Variants in INTS14 observed in about 807,000 individuals in gnomAD.
The protein encoded by INTS14 is UPF0464 protein C15orf44.
In INTS14, 27 loss-of-function variants were observed where a neutral mutation model predicts 56.9. That is an observed-to-expected ratio of 0.47 (90% CI 0.35 to 0.65). The LOEUF is 0.65. INTS14 is among the 30% of genes least tolerant of loss of function. INTS14 has a pLI of 0.00. For synonymous variants in INTS14, 207 were observed against 236.2 expected (o/e 0.88, Z 1.13); for missense variants, 517 against 632.2 (o/e 0.82, Z 1.95).
chr15:65,610,407 C>A (rs910441956), intron 1 of INTS14, among the ~76,000 whole-genome samples: 2 of 152,162 alleles, frequency 1.3e-5, no homozygotes, highest in Non-Finnish European at 2.9e-5. Context: ...TTTGTGAGCA[C>A]AACACTATGT....
At position 65,607,678 on chromosome 15, in the gene INTS14, GA is replaced by G. The variant is rs986839336; in HGVS notation, c.-62-237del. 1.4e-3 allele frequency among the ~76,000 whole-genome samples: 198 copies of G among 146,344 alleles called. 1 individual carries two copies. The highest frequency in any genetic ancestry group is 4.6e-3 in the African/African-American group (185 of 39,902). On this transcript the variant is annotated intron_variant, in intron 1 of 11. Coordinates refer to ENST00000313182, the MANE Select transcript of INTS14 (RefSeq NM_001394796.1). ...AAGGACCATCTAAATATATCTACTGGAAAAAAAAAAGCCCTGCTAAATTCAG... is the reference window on the plus strand; with the variant it reads ...AAGGACCATCTAAATATATCTACTGGAAAAAAAAAGCCCTGCTAAATTCAG...
Position 65,607,434 on chromosome 15 carries a change from G to T in INTS14, c.-54C>A. 1.3e-6 allele frequency: 2 copies of T among 1,597,210 alleles called. No individual in the cohort carries two copies. The highest frequency in any genetic ancestry group is 1.7e-6 in the Non-Finnish European group (2 of 1,168,320). On this transcript the variant is annotated 5_prime_UTR_variant, in exon 2 of 12. An upstream open reading frame in the 5' UTR gains an earlier in-frame stop. Coordinates refer to ENST00000313182, the MANE Select transcript of INTS14 (RefSeq NM_001394796.1). ...AGAATGCAAACAGACAGCTATAAACGAAGAAATGCTGCAGAAAATAAATAC... is the reference window on the plus strand; with the variant it reads ...AGAATGCAAACAGACAGCTATAAACTAAGAAATGCTGCAGAAAATAAATAC...
chr15:65,591,385 G>A (rs1462112024), intron 9 of INTS14, among the ~76,000 whole-genome samples: 1 of 152,102 alleles, frequency 6.6e-6, no homozygotes, highest in East Asian at 1.9e-4. Context: ...TTTACTTAAA[G>A]CAATCTAAAT....
At chr15:65,593,286 T>C (rs1005176111) in intron 8 of INTS14, 142 bp downstream of exon 8, 11 of 996,114 alleles carry the variant, frequency 1.1e-5, no homozygotes, top group African/African-American at 1.7e-5. Context: ...AGGACTGTAG[T>C]AGCAGGTGGG....
intron 6 of INTS14, among the ~76,000 whole-genome samples, chr15:65,596,993 T>A (rs1029169557): frequency 6.6e-6 from 1 of 152,244 alleles, no homozygotes; most frequent in Non-Finnish European, 1.5e-5. Context: ...GTCTACTTTA[T>A]TTTAAAGCAG....
In INTS14 at chr15:65,584,904, A is replaced by G; in HGVS notation, c.1121-16T>C. The G allele has an allele frequency of 6.3e-6, 10 of 1,597,010 alleles. No homozygotes were observed. The highest frequency in any genetic ancestry group is 6.0e-6 in the Non-Finnish European group (7 of 1,169,788). ...TCTTTAGCATCTTAAAAGAAAAGACATTCTTGAAATGACATCTGGTAAAAC... is the reference window on the plus strand; with the variant it reads ...TCTTTAGCATCTTAAAAGAAAAGACGTTCTTGAAATGACATCTGGTAAAAC... On this transcript the variant is annotated splice_polypyrimidine_tract_variant and intron_variant, in intron 9 of 11. Coordinates refer to ENST00000313182, the MANE Select transcript of INTS14 (RefSeq NM_001394796.1).
chr15:65,602,948 G>A (rs1198901382), intron 3 of INTS14, among the ~76,000 whole-genome samples: 1 of 152,164 alleles, frequency 6.6e-6, no homozygotes, highest in Non-Finnish European at 1.5e-5. Context: ...TCAGAAGTCT[G>A]CATGATGCAC....
chr15:65,597,683 T>C (rs1472947994), intron 6 of INTS14, among the ~76,000 whole-genome samples: 2 of 152,170 alleles, frequency 1.3e-5, no homozygotes, highest in Non-Finnish European at 2.9e-5. Context: ...GAGGAAGACT[T>C]CCCAGGGTCA....
chr15:65,597,884 C>A (rs1952114272), intron 6 of INTS14, among the ~76,000 whole-genome samples: 1 of 152,076 alleles, frequency 6.6e-6, no homozygotes, highest in Admixed American at 6.5e-5. Flanking sequence ...AACTGATGAC[C>A]TTACCATAAA....
chr15:65,608,364 C>CAAAAAA (rs35399300), intron 1 of INTS14, among the ~76,000 whole-genome samples: 13 of 63,984 alleles, frequency 2.0e-4, no homozygotes, highest in African/African-American at 2.4e-4. Flanking sequence ...GGCTCCATCT[C>CAAAAAA]AAAAAAAAAA....
At chr15:65,582,894 T>C (rs904031632) in intron 10 of INTS14, among the ~76,000 whole-genome samples, 3 of 152,058 alleles carry the variant, frequency 2.0e-5, no homozygotes, top group African/African-American at 4.8e-5. Flanking sequence ...CTTGAGTATA[T>C]ACTTCTCCAA....
intron 6 of INTS14, 152 bp downstream of exon 6, chr15:65,598,169 T>TACCCAAAA (rs1566927510): frequency 1.4e-6 from 1 of 719,794 alleles, no homozygotes; most frequent in African/African-American, 1.8e-5. Context: ...AGCACCTCTG[T>TACCCAAAA]TCCCAAGCAT....
Position 65,579,666 on chromosome 15 carries a change from CAA to C in INTS14, c.1306-9_1306-8del, listed in dbSNP as rs780189503. 267 of 1,608,452 alleles carry C rather than the reference CAA, an allele frequency of 1.7e-4. No individual in the cohort carries two copies. The highest frequency in any genetic ancestry group is 3.4e-4 in the East Asian group (15 of 44,712). On this transcript the variant is annotated splice_polypyrimidine_tract_variant and splice_region_variant and intron_variant, in intron 11 of 11. Coordinates refer to ENST00000313182, the MANE Select transcript of INTS14 (RefSeq NM_001394796.1). ...TTCGCAAACGGTTCAGCTCCTGAAA[CAA>C]GACAGAAAATCACCAATGCTCCTGA...
rs1230172104 is a variant in INTS14, at chr15:65,581,994, T to C, written c.1265A>G (p.Asn422Ser). Residue 422 changes from asparagine to serine, a missense_variant, in exon 11 of 12, where the codon AAT (asparagine) becomes AGT (serine). Asn to Ser is a conservative substitution (Grantham distance 46, BLOSUM62 1). Transcript: ENST00000313182. ...LQTDVQKILR[N>S]ARKLPEKTQT... ...TGTTTTTTCAGGTAGTTTCCTTGCA[T>C]TTCTTAAAATCTTCTGTACATCTGT... 1.2e-6 allele frequency: 2 copies of C among 1,612,534 alleles called. No individual in the cohort carries two copies. Among genetic ancestry groups the C allele is most frequent in the Admixed American group, 3.3e-5 (2 of 59,718 alleles).
intron 9 of INTS14, among the ~76,000 whole-genome samples, chr15:65,591,010 A>G (rs2073006675): frequency 1.3e-5 from 2 of 152,214 alleles, no homozygotes; most frequent in Admixed American, 6.5e-5. Context: ...AACTGGAAAT[A>G]TGATATGCAA....
chr15:65,593,289 C>G (rs1293310079), intron 8 of INTS14, 139 bp downstream of exon 8: 1 of 1,017,014 alleles, frequency 9.8e-7, no homozygotes, highest in Non-Finnish European at 1.4e-6. Context: ...ACTGTAGTAG[C>G]AGGTGGGAAA....
chr15:65,593,697 A>G (rs1485123064), intron 7 of INTS14, 125 bp from the exon 8 acceptor site: 1 of 1,152,608 alleles, frequency 8.7e-7, no homozygotes, highest in Admixed American at 3.6e-5. Flanking sequence ...ATATTATAAC[A>G]AGCAGGAAAA....
chr15:65,586,803 A>C (rs1337527612), intron 9 of INTS14: 2 of 152,196 alleles, frequency 1.3e-5, no homozygotes, highest in Admixed American at 1.3e-4. Context: ...TATGTTCCAG[A>C]AAAGGAGAAC....
At chr15:65,604,730 C>CA (rs1040822777) in intron 3 of INTS14, among the ~76,000 whole-genome samples, 5,640 of 62,000 alleles carry the variant, frequency 0.091, 401 homozygotes, top group African/African-American at 0.21. Flanking sequence ...ACCCTGTCTC[C>CA]AAAAAAAAAA....
Sources: allele counts gnomAD v4.1 joint callset (sites outside exome capture counted in the v4.1 genomes callset), GRCh38; gene constraint gnomAD v4.1.1; transcripts MANE v1.5; gene names NCBI Gene and HGNC (gene_info 2026-07-23, HGNC 2026-07-21).